ADRA1A: variants seen among roughly 807,000 people sequenced by gnomAD.
The protein encoded by ADRA1A is alpha-1A adrenergic receptor.
ADRA1A carries 31 observed loss-of-function variants against 29.6 expected under a neutral mutation model. The observed-to-expected ratio is 1.05, with a 90% CI of 0.79 to 1.41. ADRA1A has a LOEUF of 1.41. ADRA1A is among the 40% of genes most tolerant of loss of function. ADRA1A has a pLI of 0.00. For synonymous variants in ADRA1A, 311 were observed against 254.3 expected (o/e 1.22, Z -2.12); for missense variants, 619 against 601.1 (o/e 1.03, Z -0.31).
intron 2 of ADRA1A, among the ~76,000 whole-genome samples, chr8:26,800,288 A>C (rs1174100483): frequency 1.3e-5 from 2 of 152,156 alleles, no homozygotes; most frequent in Non-Finnish European, 2.9e-5. Context: ...GATCATCATC[A>C]AAACAATATT....
chr8:26,840,309 G>A (rs1472008764), intron 2 of ADRA1A, among the ~76,000 whole-genome samples: 1 of 152,108 alleles, frequency 6.6e-6, no homozygotes, highest in African/African-American at 2.4e-5. Context: ...GGAAAGTAGC[G>A]GTTGGGTAGG....
chr8:26,762,357 C>T (rs1224942151), downstream of ADRA1A, among the ~76,000 whole-genome samples: 1 of 152,136 alleles, frequency 6.6e-6, no homozygotes, highest in Non-Finnish European at 1.5e-5. This position sits in a 1 kb window ranked among gnomAD's most constrained non-coding sequence, Gnocchi z 4.0. Context: ...ATGTCCTCAT[C>T]CTCCTGGCAC....
intron 2 of ADRA1A, among the ~76,000 whole-genome samples, chr8:26,751,352 C>G (rs1433477698): frequency 1.3e-5 from 2 of 152,136 alleles, no homozygotes; most frequent in Admixed American, 1.3e-4. Context: ...AGTTGTTTTT[C>G]ATAAATTCTG....
exon 3 of ADRA1A, chr8:26,756,644 G>C: frequency 1.3e-6 from 2 of 1,596,920 alleles, no homozygotes; most frequent in East Asian, 4.6e-5. Context: ...TGTCAGGCAA[G>C]GCTCCTGGGC....
chr8:26,867,287 G>A (rs551138482), upstream of ADRA1A: 325 of 985,440 alleles, frequency 3.3e-4, 2 homozygotes, highest in African/African-American at 5.5e-3. Flanking sequence ...TCAGGCAGTA[G>A]CCCAGCTAGT....
chr8:26,827,167 A>T (rs1203063086), intron 2 of ADRA1A, among the ~76,000 whole-genome samples: 1 of 152,206 alleles, frequency 6.6e-6, no homozygotes, highest in East Asian at 1.9e-4. Flanking sequence ...TTTTATTATT[A>T]TGACAATACA....
intron 2 of ADRA1A, chr8:26,858,911 A>G (rs1307944337): frequency 2.3e-6 from 1 of 438,520 alleles, no homozygotes; most frequent in African/African-American, 2.1e-5. Context: ...ATTCCTCCCA[A>G]CAGTCATGCT....
chr8:26,849,047 C>T (rs1477016637), intron 2 of ADRA1A, among the ~76,000 whole-genome samples: 1 of 152,180 alleles, frequency 6.6e-6, no homozygotes, highest in Non-Finnish European at 1.5e-5. Flanking sequence ...AATTCTCAAT[C>T]TATCTAAAAG....
At chr8:26,766,040 C>T, downstream of ADRA1A, 1 of 1,613,276 alleles carries the variant, frequency 6.2e-7, no homozygotes, top group Non-Finnish European at 8.5e-7. Context: ...AGGTCTCCAG[C>T]TACCTGGAGA....
At chr8:26,780,037 G>A (rs1033890938) in intron 2 of ADRA1A, among the ~76,000 whole-genome samples, 1 of 151,986 alleles carries the variant, frequency 6.6e-6, no homozygotes, top group Non-Finnish European at 1.5e-5. Flanking sequence ...CTCATAATGG[G>A]GTATCTGCCA....
intron 2 of ADRA1A, among the ~76,000 whole-genome samples, chr8:26,797,101 G>A (rs1018079188): frequency 3.9e-5 from 6 of 152,092 alleles, no homozygotes; most frequent in African/African-American, 1.2e-4. Flanking sequence ...ATGAAATGAT[G>A]TGTGTTATTG....
intron 2 of ADRA1A, among the ~76,000 whole-genome samples, chr8:26,791,315 A>T (rs1807815480): frequency 6.6e-6 from 1 of 152,154 alleles, no homozygotes; most frequent in East Asian, 1.9e-4. Context: ...TATTTTCTTA[A>T]GTTACATTTC....
rs1813940017 is a variant in ADRA1A, at chr8:26,866,855, G to C, written c.-687+81C>G. On this transcript the variant is annotated intron_variant, in intron 1 of 2. Coordinates refer to ENST00000380573, the MANE Select transcript of ADRA1A (RefSeq NM_000680.4). This position sits in a 1 kb window ranked among gnomAD's most constrained non-coding sequence, Gnocchi z 5.7. ...AAAGCGGGAGGCGCTGGGAAAAGTG[G>C]GGGTTCCGTCTCACCAGACGGCGGG... The C allele has an allele frequency of 1.0e-6, 1 of 985,452 alleles. No homozygotes were observed. The highest frequency in any genetic ancestry group is 1.7e-5 in the African/African-American group (1 of 57,222). The allele number at this position is 985,452 out of a possible 1,614,324, so 61.0% of individuals were successfully genotyped here.
At chr8:26,818,850 A>T (rs1274787927) in intron 2 of ADRA1A, among the ~76,000 whole-genome samples, 2 of 152,128 alleles carry the variant, frequency 1.3e-5, no homozygotes, top group African/African-American at 2.4e-5. Context: ...AAATGTTATC[A>T]GGTAAAATAA....
intron 2 of ADRA1A, among the ~76,000 whole-genome samples, chr8:26,818,518 A>T (rs560875476): frequency 7.2e-5 from 11 of 152,292 alleles, no homozygotes; most frequent in Non-Finnish European, 1.3e-4. Context: ...ACATTCAAGG[A>T]ATTGATGGCT....
intron 2 of ADRA1A, among the ~76,000 whole-genome samples, chr8:26,828,004 C>A (rs1199609931): frequency 6.6e-6 from 1 of 152,100 alleles, no homozygotes; most frequent in Non-Finnish European, 1.5e-5. Flanking sequence ...AGCAACCCTC[C>A]CACCTCAACC....
downstream of ADRA1A, among the ~76,000 whole-genome samples, chr8:26,752,469 C>A (rs1472132608): frequency 6.6e-6 from 1 of 152,192 alleles, no homozygotes; most frequent in African/African-American, 2.4e-5. Flanking sequence ...TAACTGGCTT[C>A]CAGGTATCCC....
At chr8:26,784,983 C>T (rs187458445) in intron 2 of ADRA1A, among the ~76,000 whole-genome samples, 1 of 152,256 alleles carries the variant, frequency 6.6e-6, no homozygotes, top group East Asian at 1.9e-4. Context: ...TACCACACAG[C>T]ATCCTATTAA....
intron 2 of ADRA1A, among the ~76,000 whole-genome samples, chr8:26,840,596 T>TC (rs1295262967): frequency 2.0e-5 from 3 of 152,122 alleles, no homozygotes; most frequent in African/African-American, 7.2e-5. Flanking sequence ...GTTCTTTTTT[T>TC]TTTTTTCTTG....
Sources: allele counts gnomAD v4.1 joint callset (sites outside exome capture counted in the v4.1 genomes callset), GRCh38; gene constraint gnomAD v4.1.1; non-coding constraint Gnocchi (gnomAD v3.1); transcripts MANE v1.5; gene names NCBI Gene and HGNC (gene_info 2026-07-23, HGNC 2026-07-21).